Variants in RBFOX1 observed in about 807,000 individuals in gnomAD.
RBFOX1 encodes the protein RNA binding protein fox-1 homolog 1.
A neutral mutation model predicts 57.7 loss-of-function variants in RBFOX1; 8 were observed. The ratio of observed to expected loss-of-function variants is 0.14; its 90% CI spans 0.08 to 0.25. The LOEUF (loss-of-function observed/expected upper bound fraction) is 0.25, where lower values mean the gene tolerates loss of function less well. Among genes scored for constraint, RBFOX1 ranks in the 10% least tolerant of loss-of-function variants. RBFOX1 has a pLI of 1.00. For synonymous variants in RBFOX1, 326 were observed against 222.4 expected, an observed-to-expected ratio of 1.47 and a Z score of -4.15; for missense variants, 611 against 548.5, an observed-to-expected ratio of 1.11 and a Z score of -1.14.
chr16:7,258,466 C>CCT (rs201490907), intron 4 of RBFOX1, among the ~76,000 whole-genome samples: 78 of 150,708 alleles, frequency 5.2e-4, no homozygotes, highest in South Asian at 8.4e-4. Context: ...TCTCCTAAAC[C>CCT]CTCTCTCTCT....
chr16:7,271,431 T>C (rs1005949612), intron 4 of RBFOX1, among the ~76,000 whole-genome samples: 1 of 152,182 alleles, frequency 6.6e-6, no homozygotes, highest in Non-Finnish European at 1.5e-5. Context: ...AAAGTTTCAA[T>C]GATGCCTTGG....
intron 4 of RBFOX1, among the ~76,000 whole-genome samples, chr16:7,053,166 A>G (rs1304803874): frequency 6.6e-6 from 1 of 152,178 alleles, no homozygotes; most frequent in African/African-American, 2.4e-5. Flanking sequence ...TGTTGGCATC[A>G]GGTTTGTGAA....
At chr16:5,615,589 C>T (rs1205129956) in intron 3 of RBFOX1, among the ~76,000 whole-genome samples, 1 of 152,220 alleles carries the variant, frequency 6.6e-6, no homozygotes, top group East Asian at 1.9e-4. Context: ...CCAGCTCCGT[C>T]CTGTTCCCAT....
chr16:6,961,342 G>A (rs1339441749), intron 3 of RBFOX1, among the ~76,000 whole-genome samples: 6 of 152,146 alleles, frequency 3.9e-5, no homozygotes, highest in Admixed American at 6.5e-5. Flanking sequence ...GGGTCCCTGC[G>A]TCCACTCCAG....
At chr16:7,263,588 C>T (rs1235989513) in intron 4 of RBFOX1, among the ~76,000 whole-genome samples, 1 of 151,862 alleles carries the variant, frequency 6.6e-6, no homozygotes, top group Non-Finnish European at 1.5e-5. Flanking sequence ...GATGGCTGAG[C>T]TAAAAGGGGT....
intron 1 of RBFOX1, among the ~76,000 whole-genome samples, chr16:5,414,204 G>A (rs551566035): frequency 6.6e-6 from 1 of 152,284 alleles, no homozygotes; most frequent in South Asian, 2.1e-4. Flanking sequence ...TACAAGCTGA[G>A]GAAGCCAGGA....
intron 1 of RBFOX1, among the ~76,000 whole-genome samples, chr16:6,080,293 C>T (rs1056739784): frequency 1.3e-5 from 2 of 151,532 alleles, no homozygotes; most frequent in African/African-American, 4.8e-5. Context: ...GTTAATACCA[C>T]CATTTTCTGC....
chr16:5,970,700 C>T (rs746367779), intron 4 of RBFOX1, among the ~76,000 whole-genome samples: 1 of 152,192 alleles, frequency 6.6e-6, no homozygotes, highest in South Asian at 2.1e-4. Flanking sequence ...GGAGGTCTTT[C>T]TTTTCCTTCT....
intron 4 of RBFOX1, among the ~76,000 whole-genome samples, chr16:7,306,190 A>G (rs1408682726): frequency 6.6e-6 from 1 of 152,104 alleles, no homozygotes; most frequent in Non-Finnish European, 1.5e-5. Context: ...AAATACATCC[A>G]TGTTTCTGCC....
chr16:6,926,263 C>T (rs1334609310), intron 3 of RBFOX1, among the ~76,000 whole-genome samples: 14 of 152,128 alleles, frequency 9.2e-5, no homozygotes, highest in African/African-American at 2.7e-4. Context: ...GCTGAGATCA[C>T]ACCACTGCGC....
intron 2 of RBFOX1, among the ~76,000 whole-genome samples, chr16:6,638,561 A>G (rs1241551045): frequency 6.6e-6 from 1 of 152,196 alleles, no homozygotes; most frequent in African/African-American, 2.4e-5. Context: ...TGGAAGCAAA[A>G]CCAAGAAAAT....
intron 4 of RBFOX1, among the ~76,000 whole-genome samples, chr16:7,450,546 A>T (rs1363413158): frequency 6.6e-6 from 1 of 152,134 alleles, no homozygotes; most frequent in African/African-American, 2.4e-5. Context: ...AGATGAAGAT[A>T]CTATGGCCCA....
intron 3 of RBFOX1, among the ~76,000 whole-genome samples, chr16:6,928,218 C>T (rs1399011122): frequency 6.6e-6 from 1 of 152,136 alleles, no homozygotes; most frequent in Admixed American, 6.5e-5. Flanking sequence ...GGGTACTGCC[C>T]CCGAAGATTC....
At chr16:6,694,646 T>C (rs921458054) in intron 3 of RBFOX1, among the ~76,000 whole-genome samples, 19 of 152,176 alleles carry the variant, frequency 1.2e-4, no homozygotes, top group Admixed American at 2.0e-4. Flanking sequence ...GTTGGTCTTA[T>C]CATGGCCATT....
intron 4 of RBFOX1, among the ~76,000 whole-genome samples, chr16:7,121,060 A>G (rs1213808627): frequency 6.6e-6 from 1 of 152,008 alleles, no homozygotes; most frequent in Non-Finnish European, 1.5e-5. Flanking sequence ...ACAAAAGCTA[A>G]TCTACATTGA....
chr16:6,777,841 G>T (rs995487640), intron 3 of RBFOX1, among the ~76,000 whole-genome samples: 1 of 152,028 alleles, frequency 6.6e-6, no homozygotes, highest in African/African-American at 2.4e-5. Flanking sequence ...TTCACTTTTT[G>T]CACTAAGAGT....
chr16:7,604,494 A>C (rs2095202747), intron 9 of RBFOX1, among the ~76,000 whole-genome samples: 1 of 152,214 alleles, frequency 6.6e-6, no homozygotes, highest in Non-Finnish European at 1.5e-5. Flanking sequence ...GGAGAGTATC[A>C]TTTATTTTCT....
chr16:7,622,410 A>T (rs2059448564), intron 10 of RBFOX1, among the ~76,000 whole-genome samples: 1 of 152,220 alleles, frequency 6.6e-6, no homozygotes, highest in African/African-American at 2.4e-5. Context: ...TAGGTTTATC[A>T]TATTAAGTTA....
intron 2 of RBFOX1, among the ~76,000 whole-genome samples, chr16:6,652,194 T>G (rs764047897): frequency 6.6e-6 from 1 of 152,146 alleles, no homozygotes; most frequent in African/African-American, 2.4e-5. Flanking sequence ...CTCACACCTG[T>G]AATCCCAGCA....
Sources: gnomAD v4.1 joint callset for allele counts (sites outside exome capture counted in the v4.1 genomes callset) on GRCh38, gnomAD v4.1.1 for gene constraint, MANE v1.5 for transcripts, NCBI Gene and HGNC (gene_info 2026-07-23, HGNC 2026-07-21) for gene names.